The following CAST variants were observed in gnomAD, a reference collection of about 807,000 sequenced individuals.
CAST encodes calpastatin.
Under a neutral mutation model 119.6 loss-of-function variants are expected in CAST, and 76 were observed. That is an observed-to-expected ratio of 0.64 (90% CI 0.53 to 0.77). The LOEUF is 0.77. Ranked by LOEUF, CAST falls within the 30% of genes least tolerant of loss-of-function variation. The probability of loss-of-function intolerance (pLI) is 0.00; values close to 1 mark genes in which losing one functional copy is unlikely to be tolerated. For missense variants in CAST, 953 were observed against 946.5 expected, an observed-to-expected ratio of 1.01 and a Z score of -0.09; for synonymous variants, 319 against 331.6, an observed-to-expected ratio of 0.96 and a Z score of 0.41.
intron 1 of CAST, among the ~76,000 whole-genome samples, chr5:96,558,885 C>T (rs974508411): frequency 1.3e-5 from 2 of 152,018 alleles, no homozygotes; most frequent in African/African-American, 2.4e-5. Context: ...GATACCAAAG[C>T]CTGGCAGAGA....
chr5:96,740,979 G>T, intron 13 of CAST, 196 bp downstream of exon 13: 1 of 597,808 alleles, frequency 1.7e-6, no homozygotes, highest in South Asian at 2.2e-5. Flanking sequence ...TAGGTTTTTT[G>T]AGGGAAAGGA....
chr5:96,726,570 G>A (rs981024017), intron 4 of CAST, among the ~76,000 whole-genome samples: 2 of 152,016 alleles, frequency 1.3e-5, no homozygotes, highest in African/African-American at 2.4e-5. Context: ...GGAAACCTTC[G>A]CTGAAAAAAA....
chr5:96,416,113 G>T, the CAST span: 1 of 1,607,752 alleles, frequency 6.2e-7, no homozygotes, highest in Non-Finnish European at 8.5e-7. Context: ...TGCACATCTG[G>T]TCCCGTGTCT....
At chr5:96,211,404 T>A in the CAST span, among the ~76,000 whole-genome samples, 9 of 152,050 alleles carry the variant, frequency 5.9e-5, no homozygotes, top group African/African-American at 2.2e-4. Flanking sequence ...GATCATGTGA[T>A]ATTTTTCTTT....
chr5:96,021,123 A>G, the CAST span, among the ~76,000 whole-genome samples: 1 of 152,140 alleles, frequency 6.6e-6, no homozygotes, highest in African/African-American at 2.4e-5. Flanking sequence ...AGAAATACAG[A>G]ATGTGCATCA....
the CAST span, among the ~76,000 whole-genome samples, chr5:96,135,255 G>A: frequency 6.6e-6 from 1 of 152,210 alleles, no homozygotes; most frequent in Non-Finnish European, 1.5e-5. Flanking sequence ...TACAAAGCAA[G>A]AGTGTGTAAA....
chr5:96,504,409 C>A, the CAST span, among the ~76,000 whole-genome samples: 1 of 152,216 alleles, frequency 6.6e-6, no homozygotes, highest in Non-Finnish European at 1.5e-5. Context: ...TCCACCCACA[C>A]AGGAACCAGC....
At chr5:96,317,512 A>T in the CAST span, among the ~76,000 whole-genome samples, 2 of 150,204 alleles carry the variant, frequency 1.3e-5, no homozygotes, top group Admixed American at 1.3e-4. Flanking sequence ...GAATGGTGTC[A>T]TCCTATTTTA....
the CAST span, among the ~76,000 whole-genome samples, chr5:96,166,457 T>C: frequency 6.6e-6 from 1 of 152,164 alleles, no homozygotes; most frequent in Non-Finnish European, 1.5e-5. Flanking sequence ...CAGCAGTGTG[T>C]GTGCCCTTCA....
chr5:96,606,704 T>TTGTTTG (rs1040003271), intron 1 of CAST, among the ~76,000 whole-genome samples: 8 of 152,194 alleles, frequency 5.3e-5, no homozygotes, highest in Non-Finnish European at 2.9e-5. Context: ...ACCTTTTTGT[T>TTGTTTG]TGTTTGTTTT....
chr5:95,970,271 A>G, the CAST span: 1 of 152,204 alleles, frequency 6.6e-6, no homozygotes, highest in Non-Finnish European at 1.5e-5. Context: ...GTAGGCAGTT[A>G]TTGGGAAGCC....
chr5:96,729,948 C>T (rs1313963272), intron 8 of CAST, among the ~76,000 whole-genome samples: 1 of 152,180 alleles, frequency 6.6e-6, no homozygotes, highest in Non-Finnish European at 1.5e-5. Flanking sequence ...CTAGGGGATG[C>T]GCTGTCCGTC....
At chr5:96,626,899 G>T (rs1024507298) in intron 1 of CAST, among the ~76,000 whole-genome samples, 4 of 152,168 alleles carry the variant, frequency 2.6e-5, no homozygotes, top group African/African-American at 9.7e-5. Context: ...GCAGGTTTAT[G>T]ATATAAGCTC....
At chr5:96,284,701 A>G in the CAST span, among the ~76,000 whole-genome samples, 2 of 149,966 alleles carry the variant, frequency 1.3e-5, no homozygotes, top group East Asian at 3.9e-4. Context: ...AAAAGAAAAT[A>G]CCAGGAGGAA....
At chr5:96,453,333 A>G in the CAST span, among the ~76,000 whole-genome samples, 25 of 152,230 alleles carry the variant, frequency 1.6e-4, no homozygotes, top group Non-Finnish European at 2.9e-5. Flanking sequence ...ATAAGCAATA[A>G]GATTTACAGT....
the CAST span, among the ~76,000 whole-genome samples, chr5:96,438,244 G>A: frequency 6.6e-6 from 1 of 152,174 alleles, no homozygotes; most frequent in East Asian, 1.9e-4. Flanking sequence ...TATAGTTACA[G>A]AAAATTAAGA....
chr5:96,115,780 A>C, the CAST span, among the ~76,000 whole-genome samples: 2,108 of 152,310 alleles, frequency 0.014, 45 homozygotes, highest in African/African-American at 0.048. Context: ...AACATATCAC[A>C]GATGTACAAT....
the CAST span, among the ~76,000 whole-genome samples, chr5:96,031,876 C>G: frequency 1.3e-5 from 2 of 152,072 alleles, no homozygotes; most frequent in Non-Finnish European, 2.9e-5. Flanking sequence ...AGCTGGGGGA[C>G]TCTGACTCAG....
At chr5:96,267,327 A>C in the CAST span, among the ~76,000 whole-genome samples, 2 of 152,236 alleles carry the variant, frequency 1.3e-5, no homozygotes, top group African/African-American at 4.8e-5. Flanking sequence ...CCAGAAGGTC[A>C]GAGAACAACA....
Sources: allele counts gnomAD v4.1 joint callset (sites outside exome capture counted in the v4.1 genomes callset), GRCh38; gene constraint gnomAD v4.1.1; transcripts MANE v1.5; gene names NCBI Gene and HGNC (gene_info 2026-07-23, HGNC 2026-07-21).